The following DNM1L variants were observed in gnomAD, a reference collection of about 807,000 sequenced individuals.
DNM1L encodes dynamin-1-like protein.
In DNM1L, 33 loss-of-function variants were observed where a neutral mutation model predicts 92.8. That is an observed-to-expected ratio of 0.36 (90% CI 0.27 to 0.48). The LOEUF is 0.48. Among genes scored for constraint, DNM1L ranks in the 20% least tolerant of loss-of-function variants. The probability of loss-of-function intolerance (pLI) is 0.99; values close to 1 mark genes in which losing one functional copy is unlikely to be tolerated. For synonymous variants in DNM1L, 284 were observed against 305.0 expected (o/e 0.93, Z 0.72); for missense variants, 485 against 888.8 (o/e 0.55, Z 5.78).
intron 6 of DNM1L, among the ~76,000 whole-genome samples, chr12:32,714,435 G>A (rs930385579): frequency 6.6e-6 from 1 of 151,614 alleles, no homozygotes; most frequent in African/African-American, 2.4e-5. Flanking sequence ...ACCACGCCTG[G>A]CTAATTTTTT....
chr12:32,738,005 G>A, intron 15 of DNM1L, 63 bp downstream of exon 15: 1 of 1,518,980 alleles, frequency 6.6e-7, no homozygotes, highest in Non-Finnish European at 9.1e-7. Context: ...TAATCTTCTG[G>A]AAACAATACA....
intron 18 of DNM1L, among the ~76,000 whole-genome samples, chr12:32,741,325 G>A (rs1048593622): frequency 1.3e-5 from 2 of 152,090 alleles, no homozygotes; most frequent in African/African-American, 2.4e-5. Context: ...TCGCTTTGTC[G>A]CCCAGGCTGG....
intron 1 of DNM1L, among the ~76,000 whole-genome samples, chr12:32,685,833 A>G (rs1487232239): frequency 1.3e-5 from 2 of 151,702 alleles, no homozygotes; most frequent in Admixed American, 6.6e-5. Context: ...AACTTTTTTC[A>G]TAGTTTGATG....
At chr12:32,717,341 CTATA>C (rs1265116133) in intron 6 of DNM1L, among the ~76,000 whole-genome samples, 1 of 82,946 alleles carries the variant, frequency 1.2e-5, no homozygotes, top group Non-Finnish European at 2.2e-5. Flanking sequence ...TTTATATATA[CTATA>C]TATTATATAT....
In DNM1L at chr12:32,696,589, G is replaced by A. The variant is rs530272929; in HGVS notation, c.103-4826G>A. 4.8e-5 allele frequency among the ~76,000 whole-genome samples: 7 copies of A among 147,076 alleles called. No homozygotes were observed. In the South Asian group the frequency reaches 1.5e-3, roughly 31 times the overall value. On this transcript the variant is annotated intron_variant, in intron 1 of 19. Coordinates refer to ENST00000549701, the MANE Select transcript of DNM1L (RefSeq NM_012062.5). ...CACTCCAGCCTGGGCAACAGAGCTA[G>A]ACAGTGTCTCTAAAAAAAAAAAAGA...
rs750294411 is a variant in DNM1L at position 32,740,393 on chromosome 12, C to T, written c.1885-16C>T. 3.0e-5 allele frequency: 48 copies of T among 1,612,398 alleles called. No individual in the cohort carries two copies. In the South Asian group the frequency reaches 4.6e-4, roughly 16 times the overall value. ...TGTCACAAAAGTAATATTTTTTCCC[C>T]CTCATCCCTATTTAGCCAGTTCCTG... On this transcript the variant is annotated splice_polypyrimidine_tract_variant and intron_variant, in intron 17 of 19. Transcript: ENST00000549701.
chr12:32,705,768 T>A (rs906106942), intron 2 of DNM1L: 2 of 1,508,412 alleles, frequency 1.3e-6, no homozygotes, highest in East Asian at 4.5e-5. Flanking sequence ...TTAATAAGGT[T>A]TAAAATTTTA....
chr12:32,718,111 T>C (rs989063301), intron 6 of DNM1L, among the ~76,000 whole-genome samples: 7 of 139,550 alleles, frequency 5.0e-5, no homozygotes, highest in African/African-American at 1.9e-4. Context: ...ATATATTTTA[T>C]ATATAATATA....
intron 1 of DNM1L, among the ~76,000 whole-genome samples, chr12:32,684,477 C>CTT (rs768276200): frequency 2.5e-4 from 37 of 146,144 alleles, no homozygotes; most frequent in South Asian, 4.3e-4. Flanking sequence ...CAACATAATT[C>CTT]TTTTTTTTTT....
At chr12:32,737,420 A>G in intron 14 of DNM1L, 2 of 461,822 alleles carry the variant, frequency 4.3e-6, no homozygotes, top group Non-Finnish European at 3.9e-6. Flanking sequence ...CTTTTTAAAA[A>G]AATTCAGTCA....
intron 9 of DNM1L, among the ~76,000 whole-genome samples, chr12:32,729,195 C>T (rs1954371089): frequency 6.6e-6 from 1 of 152,062 alleles, no homozygotes; most frequent in African/African-American, 2.4e-5. Flanking sequence ...GATTCTCCCG[C>T]TTCAGCCTCC....
intron 8 of DNM1L, among the ~76,000 whole-genome samples, chr12:32,721,135 T>G (rs1407032896): frequency 2.0e-5 from 3 of 152,240 alleles, no homozygotes; most frequent in African/African-American, 7.2e-5. Flanking sequence ...ACATTATCTA[T>G]TCTTACCTTA....
intron 14 of DNM1L, 59 bp downstream of exon 14, chr12:32,737,220 A>T: frequency 6.4e-7 from 1 of 1,567,320 alleles, no homozygotes; most frequent in African/African-American, 1.4e-5. Flanking sequence ...ATGAGCTCAG[A>T]ATATTACTCA....
intron 1 of DNM1L, among the ~76,000 whole-genome samples, chr12:32,684,429 A>G (rs1565968502): frequency 6.6e-6 from 1 of 152,144 alleles, no homozygotes; most frequent in Non-Finnish European, 1.5e-5. Context: ...GAATCCTATA[A>G]TATGTGATTT....
chr12:32,700,122 A>G (rs1952640129), intron 1 of DNM1L, among the ~76,000 whole-genome samples: 1 of 150,006 alleles, frequency 6.7e-6, no homozygotes, highest in African/African-American at 2.5e-5. Flanking sequence ...ATACTGTTTT[A>G]GCTATTTCTT....
intron 2 of DNM1L, chr12:32,705,484 A>C (rs1252550742): frequency 4.9e-6 from 1 of 204,506 alleles, no homozygotes; most frequent in African/African-American, 2.3e-5. Context: ...CAGTCAATTG[A>C]GATAACTACC....
chr12:32,706,378 A>G (rs1173668649), intron 2 of DNM1L, among the ~76,000 whole-genome samples: 6 of 152,202 alleles, frequency 3.9e-5, no homozygotes, highest in Admixed American at 3.9e-4. Context: ...TATTCAATAC[A>G]CTTATTAAGA....
In DNM1L at chr12:32,741,377, C is replaced by T. The variant is rs149156622; in HGVS notation, c.1994+859C>T. On this transcript the variant is annotated intron_variant, in intron 18 of 19. Transcript: ENST00000549701. ...CTTGGCCCACTTCAACCTCTGCCTT[C>T]TGGGTTCAAGCGATTCTCCTGCCTC... is the stretch of plus-strand genomic sequence containing the variant. Among the ~76,000 whole-genome samples the T allele has an allele frequency of 7.9e-5, 12 of 152,314 alleles. No homozygotes were observed. The East Asian group carries it at 2.3e-3, about 29-fold the overall frequency.
intron 1 of DNM1L, 36 bp from the exon 2 acceptor site, chr12:32,701,379 A>G (rs1196161696): frequency 1.9e-6 from 3 of 1,596,086 alleles, no homozygotes; most frequent in East Asian, 2.2e-5. Flanking sequence ...ATGTGTTAAG[A>G]AACTCATTTT....
Sources: allele counts gnomAD v4.1 joint callset (sites outside exome capture counted in the v4.1 genomes callset), GRCh38; gene constraint gnomAD v4.1.1; transcripts MANE v1.5; gene names NCBI Gene and HGNC (gene_info 2026-07-23, HGNC 2026-07-21).